Variants in LINC00305 observed in about 807,000 individuals in gnomAD.
LINC00305 encodes the protein long intergenic non-protein coding RNA 305.
Position 64,148,557 on chromosome 18 carries a change from A to T in LINC00305, n.314+218T>A, listed in dbSNP as rs1280569854. Among the ~76,000 whole-genome samples the T allele has an allele frequency of 2.0e-5, 3 of 152,160 alleles. No homozygotes were observed. The South Asian group carries it at 6.2e-4, about 32-fold the overall frequency. The stretch of plus-strand genomic sequence containing the variant: ...CCTTTCTCTAGGCTGTCTCCAAAGA[A>T]GTGGGGAAGGAAAGCAAGATGGGGG... On this transcript the variant is annotated intron_variant and non_coding_transcript_variant, in intron 1 of 3. Transcript: ENST00000666468.
At chr18:64,096,693 T>G (rs1362831072) in intron 3 of LINC00305, among the ~76,000 whole-genome samples, 1 of 151,932 alleles carries the variant, frequency 6.6e-6, no homozygotes, top group Non-Finnish European at 1.5e-5. Context: ...GAATATAATA[T>G]GGGAATAAAT....
At chr18:64,140,371 G>A (rs1275214078) in intron 1 of LINC00305, among the ~76,000 whole-genome samples, 1 of 152,020 alleles carries the variant, frequency 6.6e-6, no homozygotes, top group Admixed American at 6.6e-5. Context: ...ACCACACCTG[G>A]CTAATTTTTG....
intron 3 of LINC00305, among the ~76,000 whole-genome samples, chr18:64,093,374 C>T (rs964155148): frequency 1.3e-5 from 2 of 152,044 alleles, no homozygotes; most frequent in Non-Finnish European, 2.9e-5. Flanking sequence ...CTCGCTCTGT[C>T]ACCAGGCTGG....
intron 3 of LINC00305, among the ~76,000 whole-genome samples, chr18:64,093,671 G>A (rs1280476484): frequency 6.6e-6 from 1 of 152,306 alleles, no homozygotes; most frequent in East Asian, 1.9e-4. Context: ...AGTCACAGGG[G>A]TTGTAGCCAT....
rs181668516 is a variant in LINC00305 at position 64,081,424 on chromosome 18, C to T, written n.541-1022G>A. 2.4e-3 allele frequency among the ~76,000 whole-genome samples: 370 copies of T among 152,288 alleles called. 4 individuals carry two copies. The highest frequency in any genetic ancestry group is 0.02 in the Middle Eastern group (6 of 294). ...TAAAGGGAATACAAGAATCAATCCT[C>T]AGGCATCAAGTTGTAACTTCAGGGT... On this transcript the variant is annotated intron_variant and non_coding_transcript_variant, in intron 3 of 3. Coordinates refer to ENST00000666468, the Ensembl canonical transcript of LINC00305.
At chr18:64,132,256 T>A (rs1393776172) in intron 1 of LINC00305, among the ~76,000 whole-genome samples, 2 of 152,236 alleles carry the variant, frequency 1.3e-5, no homozygotes, top group African/African-American at 4.8e-5. Context: ...ACAGGCAGAA[T>A]TATTCTAGGG....
rs1018301730 is a variant in LINC00305, at chr18:64,135,910, G to A, written n.314+12865C>T. Reference sequence around the variant, plus strand: ...CTTTCATTATAGATTGGTTTCCCACGTAACAAAAGACTGCTGGCATCTTAC... The same window carrying A: ...CTTTCATTATAGATTGGTTTCCCACATAACAAAAGACTGCTGGCATCTTAC... On this transcript the variant is annotated intron_variant and non_coding_transcript_variant, in intron 1 of 3. Transcript: ENST00000666468. Among the ~76,000 whole-genome samples, 5 of 150,748 alleles carry A rather than the reference G, an allele frequency of 3.3e-5. No homozygotes were observed. The South Asian group carries it at 6.4e-4, about 19-fold the overall frequency.
At chr18:64,119,122 A>G (rs1373765450) in intron 1 of LINC00305, among the ~76,000 whole-genome samples, 1 of 152,182 alleles carries the variant, frequency 6.6e-6, no homozygotes, top group Non-Finnish European at 1.5e-5. Context: ...ATCACTTACA[A>G]ATAGGTAAAT....
At chr18:64,105,511 A>G (rs1161631776) in intron 1 of LINC00305, among the ~76,000 whole-genome samples, 1 of 152,164 alleles carries the variant, frequency 6.6e-6, no homozygotes, top group Non-Finnish European at 1.5e-5. Context: ...ATCATTAAAA[A>G]TTTAAAAACC....
In LINC00305 at chr18:64,131,087, C is replaced by T. The variant is rs145927190; in HGVS notation, n.314+17688G>A. Among the ~76,000 whole-genome samples the T allele has an allele frequency of 2.6e-3, 390 of 152,274 alleles. 4 individuals carry two copies. The highest frequency in any genetic ancestry group is 9.1e-3 in the African/African-American group (379 of 41,554). On this transcript the variant is annotated intron_variant and non_coding_transcript_variant, in intron 1 of 3. Coordinates refer to ENST00000666468, the Ensembl canonical transcript of LINC00305. ...CTTTGCAGCTTACCTAACTCGTAGA[C>T]TCCTGTGTTGTGCTATTATGTAGAA...
intron 3 of LINC00305, among the ~76,000 whole-genome samples, chr18:64,086,490 T>C (rs1568103109): frequency 6.6e-6 from 1 of 152,230 alleles, no homozygotes; most frequent in Non-Finnish European, 1.5e-5. Context: ...GTTGTAGCTT[T>C]GGAAATTTCT....
chr18:64,146,767 T>C (rs1240110405), intron 1 of LINC00305, among the ~76,000 whole-genome samples: 1 of 152,180 alleles, frequency 6.6e-6, no homozygotes, highest in Non-Finnish European at 1.5e-5. Context: ...TAACACATGC[T>C]GTGGGGGACT....
intron 1 of LINC00305, among the ~76,000 whole-genome samples, chr18:64,112,335 C>CAAAA (rs35340500): frequency 9.2e-6 from 1 of 109,156 alleles, no homozygotes. Context: ...GCACATTGCT[C>CAAAA]AAAAAAAAAA....
At chr18:64,135,411 C>T in intron 1 of LINC00305, among the ~76,000 whole-genome samples, 1 of 152,062 alleles carries the variant, frequency 6.6e-6, no homozygotes, top group Non-Finnish European at 1.5e-5. Context: ...ATATATGTGC[C>T]AGTCAGTAAC....
rs1289656756 is a variant in LINC00305 at position 64,143,737 on chromosome 18, C to CGT, written n.314+5037_314+5038insAC. Among the ~76,000 whole-genome samples, 34 of 67,820 alleles carry CGT rather than the reference C, an allele frequency of 5.0e-4. 1 individual carries two copies. The highest frequency in any genetic ancestry group is 1.8e-3 in the African/African-American group (33 of 18,302). The allele number at this position is 67,820 out of a possible 152,430, so 44.5% of individuals were successfully genotyped here. Reference sequence around the variant, plus strand: ...CATATTATGCGTACATGTATGTCCACATATTATGCGTACATGTATGTACAC... The same window carrying CGT: ...CATATTATGCGTACATGTATGTCCACGTATATTATGCGTACATGTATGTACAC... On this transcript the variant is annotated intron_variant and non_coding_transcript_variant, in intron 1 of 3. Coordinates refer to ENST00000666468, the Ensembl canonical transcript of LINC00305.
intron 3 of LINC00305, among the ~76,000 whole-genome samples, chr18:64,080,923 C>A (rs1568101687): frequency 6.6e-6 from 1 of 152,066 alleles, no homozygotes; most frequent in Non-Finnish European, 1.5e-5. Flanking sequence ...AAAAAGAAAA[C>A]TATTTTAATT....
At chr18:64,094,778 G>T (rs1368838818) in intron 3 of LINC00305, among the ~76,000 whole-genome samples, 16 of 151,978 alleles carry the variant, frequency 1.1e-4, no homozygotes, top group Non-Finnish European at 2.4e-4. Flanking sequence ...CAGGAGAATC[G>T]CTTGAATCCA....
intron 1 of LINC00305, among the ~76,000 whole-genome samples, chr18:64,124,691 T>C (rs978654325): frequency 6.6e-6 from 1 of 152,146 alleles, no homozygotes; most frequent in Non-Finnish European, 1.5e-5. Flanking sequence ...ATGATGATGA[T>C]ACTGCCAAAC....
At chr18:64,121,655 C>T (rs927487724) in intron 1 of LINC00305, among the ~76,000 whole-genome samples, 1 of 152,004 alleles carries the variant, frequency 6.6e-6, no homozygotes, top group Non-Finnish European at 1.5e-5. Flanking sequence ...AATAAACATA[C>T]GGGCACAGGT....
Sources: gnomAD v4.1 joint callset for allele counts (sites outside exome capture counted in the v4.1 genomes callset) on GRCh38, gnomAD v4.1.1 for gene constraint, MANE v1.5 for transcripts, NCBI Gene and HGNC (gene_info 2026-07-23, HGNC 2026-07-21) for gene names.